VPS16: variants seen among roughly 807,000 people sequenced by gnomAD.
VPS16 encodes VPS16 core subunit of CORVET and HOPS complexes, also known as vacuolar protein sorting-associated protein 16 homolog.
A neutral mutation model predicts 116.0 loss-of-function variants in VPS16; 82 were observed. The observed-to-expected ratio is 0.71, with a 90% CI of 0.59 to 0.85. The LOEUF (loss-of-function observed/expected upper bound fraction) is 0.85. Ranked by LOEUF, VPS16 falls within the 40% of genes least tolerant of loss-of-function variation. VPS16 has a pLI of 0.00. For missense variants in VPS16, 928 were observed against 1,090.6 expected (o/e 0.85, Z 2.10); for synonymous variants, 406 against 420.7 (o/e 0.96, Z 0.43).
At chr20:2,849,404 G>A (rs1055233431) in intron 1 of VPS16, among the ~76,000 whole-genome samples, 7 of 151,102 alleles carry the variant, frequency 4.6e-5, no homozygotes, top group African/African-American at 1.2e-4. Flanking sequence ...GGGTTCAAGC[G>A]ATTCTTTTGT....
intron 1 of VPS16, among the ~76,000 whole-genome samples, chr20:2,858,949 A>G (rs2089200157): frequency 6.6e-6 from 1 of 152,154 alleles, no homozygotes. Context: ...TAAGTTCATC[A>G]TCAATAAGCA....
rs201446972 is a variant in VPS16 at position 2,842,820 on chromosome 20, A to C, written c.53+1993A>C. Among the ~76,000 whole-genome samples the C allele has an allele frequency of 9.4e-3, 789 of 84,368 alleles. 67 individuals carry two copies. Among genetic ancestry groups the C allele is most frequent in the East Asian group, 0.047 (93 of 1,978 alleles). 55.3% of individuals were successfully genotyped at this position (84,368 alleles called of 152,430 possible). On this transcript the variant is annotated intron_variant, in intron 1 of 23. Coordinates refer to ENST00000380445, the MANE Select transcript of VPS16 (RefSeq NM_022575.4). ...TAGACATATAGATGTATCTATCTAT[A>C]GATAGACATATAGATGTATCTATCG...
intron 1 of VPS16, among the ~76,000 whole-genome samples, chr20:2,850,872 T>C (rs1348592216): frequency 6.9e-6 from 1 of 145,580 alleles, no homozygotes; most frequent in Middle Eastern, 3.5e-3. Flanking sequence ...CTCAGGAGGC[T>C]GAGGTGGGAG....
At chr20:2,851,825 G>T (rs2089125029) in intron 1 of VPS16, among the ~76,000 whole-genome samples, 1 of 152,146 alleles carries the variant, frequency 6.6e-6, no homozygotes, top group Non-Finnish European at 1.5e-5. Flanking sequence ...AAAAAAATTA[G>T]CTGGGCGTGA....
Position 2,865,886 on chromosome 20 carries a change from G to T in VPS16, c.2272-326G>T. On this transcript the variant is annotated intron_variant, in intron 22 of 23. Coordinates refer to ENST00000380445, the MANE Select transcript of VPS16 (RefSeq NM_022575.4). This position sits in a 1 kb window ranked among gnomAD's most constrained non-coding sequence, Gnocchi z 5.2. ...GTTCAGAGGTGTATAGGGCAGGTTT[G>T]AGAATGTCAATCACAAGAGAACACA... is the stretch of plus-strand genomic sequence containing the variant. 2.1e-6 allele frequency: 1 copy of T among 471,736 alleles called. No individual in the cohort carries two copies. Among genetic ancestry groups the T allele is most frequent in the Non-Finnish European group, 3.9e-6 (1 of 258,494 alleles). The allele number at this position is 471,736 out of a possible 1,614,324, so 29.2% of individuals were successfully genotyped here. A position where few individuals can be genotyped will look rare whatever the true frequency, so the allele number is the denominator to read the frequency against.
At chr20:2,855,958 G>C (rs2089167823) in intron 1 of VPS16, among the ~76,000 whole-genome samples, 1 of 152,210 alleles carries the variant, frequency 6.6e-6, no homozygotes, top group Admixed American at 6.5e-5. Flanking sequence ...CACTGGAGTA[G>C]CACTTTTAAT....
At chr20:2,856,808 A>T (rs1439294420) in intron 1 of VPS16, among the ~76,000 whole-genome samples, 1 of 152,142 alleles carries the variant, frequency 6.6e-6, no homozygotes, top group East Asian at 1.9e-4. Flanking sequence ...TCTTCCATTG[A>T]TCTATTTGCA....
Position 2,863,459 on chromosome 20 carries a change from G to A in VPS16, c.1476+61G>A. The A allele has an allele frequency of 6.4e-7, 1 of 1,555,504 alleles. No individual in the cohort carries two copies. The highest frequency in any genetic ancestry group is 8.9e-7 in the Non-Finnish European group (1 of 1,128,820). On this transcript the variant is annotated intron_variant, in intron 15 of 23. Transcript: ENST00000380445. The surrounding 1 kb of genome is among the most constrained non-coding windows in gnomAD (Gnocchi z 4.4). ...GGATTCCAGGCCCTGGTGAGGTGGAGGAAATAGAAAGTGTAGAACTGCGCT... is the reference window on the plus strand; with the variant it reads ...GGATTCCAGGCCCTGGTGAGGTGGAAGAAATAGAAAGTGTAGAACTGCGCT...
At chr20:2,847,108 C>T (rs1179807086) in intron 1 of VPS16, among the ~76,000 whole-genome samples, 1 of 152,214 alleles carries the variant, frequency 6.6e-6, no homozygotes, top group African/African-American at 2.4e-5. Context: ...CCTCACTGTC[C>T]TCTAGAAGCC....
chr20:2,856,509 A>G (rs1414431646), intron 1 of VPS16, among the ~76,000 whole-genome samples: 1 of 152,246 alleles, frequency 6.6e-6, no homozygotes, highest in Non-Finnish European at 1.5e-5. Flanking sequence ...AAAGTACAGT[A>G]AAGCAAAGTG....
chr20:2,858,149 C>T (rs1183924044), intron 1 of VPS16, among the ~76,000 whole-genome samples: 1 of 151,456 alleles, frequency 6.6e-6, no homozygotes, highest in Non-Finnish European at 1.5e-5. Context: ...GGCTGGAGTG[C>T]AGTGATGCTG....
chr20:2,864,346 C>T lies in VPS16; in HGVS notation c.1721-19C>T, dbSNP rs1369246847. The T allele has an allele frequency of 1.2e-6, 2 of 1,614,014 alleles. No individual in the cohort carries two copies. Among genetic ancestry groups the T allele is most frequent in the Admixed American group, 1.7e-5 (1 of 60,000 alleles). On this transcript the variant is annotated intron_variant, in intron 17 of 23. Coordinates refer to ENST00000380445, the MANE Select transcript of VPS16 (RefSeq NM_022575.4). This position sits in a 1 kb window ranked among gnomAD's most constrained non-coding sequence, Gnocchi z 5.2. Reference sequence around the variant, plus strand: ...TGGGAGCCTGGCTGGAATTCCCACTCCACCTTACTCTCCTGCAGTGTTCAC... The same window carrying T: ...TGGGAGCCTGGCTGGAATTCCCACTTCACCTTACTCTCCTGCAGTGTTCAC...
At position 2,860,365 on chromosome 20, in the gene VPS16, A is replaced by C. The variant is rs759135266; in HGVS notation, c.367A>C (p.Asn123His). ...GDFRRHFSMG[N>H]EVLQNRVLDA... ...CTTCCGGAGACACTTCAGCATGGGC[A>C]ATGTAGGGGTCACAGAGGGCTGGGG... The change falls in exon 4 of 24, where the codon AAT becomes CAT. Residue 123 changes from asparagine to histidine, a missense_variant and splice_region_variant. Physicochemically the swap from Asn to His is moderately conservative, Grantham distance 68. Transcript: ENST00000380445. The surrounding 1 kb of genome is among the most constrained non-coding windows in gnomAD (Gnocchi z 6.1). 6 of 1,614,042 alleles carry C rather than the reference A, an allele frequency of 3.7e-6. No homozygotes were observed. Among genetic ancestry groups the C allele is most frequent in the Non-Finnish European group, 5.1e-6 (6 of 1,179,992 alleles).
chr20:2,864,375 G>C lies in VPS16; in HGVS notation c.1731G>C (p.Val577=). Residue 577 remains valine (V), a synonymous_variant, in exon 18 of 24, where the codon GTG becomes GTC. Transcript: ENST00000380445. This position sits in a 1 kb window ranked among gnomAD's most constrained non-coding sequence, Gnocchi z 5.2. ...CTTACTCTCCTGCAGTGTTCACGGT[G>C]TTGCTGCACCTGAAGAACGAGCTGA... ...ESGDTDLVFT[V]LLHLKNELNR... 6.2e-7 allele frequency: 1 copy of C among 1,614,220 alleles called. No individual in the cohort carries two copies. The highest frequency in any genetic ancestry group is 8.5e-7 in the Non-Finnish European group (1 of 1,180,042).
chr20:2,851,706 A>G (rs1225589288), intron 1 of VPS16, among the ~76,000 whole-genome samples: 1 of 150,810 alleles, frequency 6.6e-6, no homozygotes. Flanking sequence ...GAGGTGGCTC[A>G]CACCTGTAAT....
At chr20:2,843,407 G>A (rs1218566788) in intron 1 of VPS16, among the ~76,000 whole-genome samples, 1 of 151,344 alleles carries the variant, frequency 6.6e-6, no homozygotes, top group Non-Finnish European at 1.5e-5. Context: ...ACTCCAGCCT[G>A]GGCAACAGAG....
At chr20:2,861,309 T>C in intron 8 of VPS16, 29 bp downstream of exon 8, 1 of 1,612,878 alleles carries the variant, frequency 6.2e-7, no homozygotes. Flanking sequence ...TTGCTGGGGG[T>C]GTGGGTGAGA....
chr20:2,853,787 C>T (rs6051439), intron 1 of VPS16, among the ~76,000 whole-genome samples: 71,734 of 151,822 alleles, frequency 0.47, 19,165 homozygotes, highest in African/African-American at 0.73. Context: ...ATTCTCCTGC[C>T]TCAGCTTACT....
At position 2,862,822 on chromosome 20, in the gene VPS16, A is replaced by G. The variant is rs751680357; in HGVS notation, c.1219A>G (p.Lys407Glu). 3.7e-6 allele frequency: 6 copies of G among 1,614,036 alleles called. No individual in the cohort carries two copies. The highest frequency in any genetic ancestry group is 2.2e-5 in the East Asian group (1 of 44,870). The change falls in exon 13 of 24, where the codon AAG becomes GAG. Residue 407 changes from lysine to glutamate, a missense_variant. Lys to Glu is a moderately conservative substitution (Grantham distance 56). Transcript: ENST00000380445. ...CTCTTCTCAGGCCGCCTCCTTCGGA[A>G]AGTGTTTCCTGGACAGATTTCCACC... Reference protein sequence around the residue: ...KSLLRAASFGKCFLDRFPPDS... With the variant: ...KSLLRAASFGECFLDRFPPDS...
Sources: allele counts gnomAD v4.1 joint callset (sites outside exome capture counted in the v4.1 genomes callset), GRCh38; gene constraint gnomAD v4.1.1; non-coding constraint Gnocchi (gnomAD v3.1); transcripts MANE v1.5; gene names NCBI Gene and HGNC (gene_info 2026-07-23, HGNC 2026-07-21).